Variants in SNAP47 observed in about 807,000 individuals in gnomAD.
The protein encoded by SNAP47 is synaptosomal-associated protein 47.
A neutral mutation model predicts 31.4 loss-of-function variants in SNAP47; 20 were observed. That is an observed-to-expected ratio of 0.64 (90% confidence interval 0.45 to 0.93). The LOEUF is 0.93. SNAP47 is among the 40% of genes least tolerant of loss of function. The pLI is 0.00. For missense variants in SNAP47, 492 were observed against 528.5 expected, an observed-to-expected ratio of 0.93 and a Z score of 0.68; for synonymous variants, 194 against 213.4, an observed-to-expected ratio of 0.91 and a Z score of 0.79.
At chr1:227,742,720 C>G (rs971512642) in intron 1 of SNAP47, among the ~76,000 whole-genome samples, 1 of 152,212 alleles carries the variant, frequency 6.6e-6, no homozygotes, top group African/African-American at 2.4e-5. Context: ...TGGGCAGCCT[C>G]TTCAGCCAGG....
At chr1:227,735,379 C>T (rs751799632), upstream of SNAP47, 107 of 1,588,974 alleles carry the variant, frequency 6.7e-5, no homozygotes, top group East Asian at 4.8e-4. Flanking sequence ...GTTTCTGCCC[C>T]GCCAGCGCCT....
chr1:227,769,496 G>A (rs200273064), intron 4 of SNAP47, among the ~76,000 whole-genome samples: 2 of 151,996 alleles, frequency 1.3e-5, no homozygotes, highest in Non-Finnish European at 2.9e-5. Context: ...TACATTTCTG[G>A]GGAAAATAAA....
upstream of SNAP47, chr1:227,734,433 C>T (rs1052727746): frequency 2.4e-6 from 1 of 408,600 alleles, no homozygotes; most frequent in Non-Finnish European, 4.3e-6. Context: ...CTGAGGAGAT[C>T]TCTCTCAAAA....
intron 4 of SNAP47, among the ~76,000 whole-genome samples, chr1:227,773,660 A>G (rs1048764882): frequency 6.6e-6 from 1 of 152,184 alleles, no homozygotes; most frequent in Non-Finnish European, 1.5e-5. Flanking sequence ...TATGCTGCAC[A>G]TTTACGGCAC....
At chr1:227,733,272 G>GC, upstream of SNAP47, 1 of 964,896 alleles carries the variant, frequency 1.0e-6, no homozygotes, top group African/African-American at 1.6e-5. Flanking sequence ...CTAGGCCTCA[G>GC]CGACACCACC....
intron 4 of SNAP47, among the ~76,000 whole-genome samples, chr1:227,771,084 G>T (rs1663772266): frequency 6.6e-6 from 1 of 152,318 alleles, no homozygotes; most frequent in Non-Finnish European, 1.5e-5. Flanking sequence ...AGCCAGGCAG[G>T]AGTGGGCCTT....
At chr1:227,744,748 C>G (rs1232810362) in intron 1 of SNAP47, among the ~76,000 whole-genome samples, 2 of 152,214 alleles carry the variant, frequency 1.3e-5, no homozygotes, top group African/African-American at 4.8e-5. Context: ...AGGCCCTAGG[C>G]GCTCCTGCCT....
At chr1:227,733,596 C>A (rs1243299307), upstream of SNAP47, 1 of 1,607,820 alleles carries the variant, frequency 6.2e-7, no homozygotes, top group Admixed American at 1.7e-5. Flanking sequence ...TCTTCCTGCC[C>A]TGGGGGGAAG....
intron 4 of SNAP47, among the ~76,000 whole-genome samples, chr1:227,779,646 C>G (rs1391946702): frequency 6.6e-6 from 1 of 152,212 alleles, no homozygotes; most frequent in Non-Finnish European, 1.5e-5. Flanking sequence ...GTGTATTCTT[C>G]TCCATTGTCA....
chr1:227,735,357 G>T, upstream of SNAP47: 1 of 1,593,122 alleles, frequency 6.3e-7, no homozygotes, highest in Admixed American at 1.7e-5. Context: ...ACCAGAAGAC[G>T]CAGGGCGCCG....
In SNAP47 at chr1:227,742,077, TGTG is replaced by T. The variant is rs1205769686; in HGVS notation, c.-45-5614_-45-5612del. Reference sequence around the variant, plus strand: ...TAAGTTTTAGGGTACGTGTGCACAATGTGCAGGTTAGTTACATATGTATACATG... The same window carrying T: ...TAAGTTTTAGGGTACGTGTGCACAATCAGGTTAGTTACATATGTATACATG... On this transcript the variant is annotated intron_variant, in intron 1 of 4. Coordinates refer to ENST00000617596, the MANE Select transcript of SNAP47 (RefSeq NM_053052.4). Among the ~76,000 whole-genome samples the T allele has an allele frequency of 6.6e-5, 10 of 152,108 alleles. No individual in the cohort carries two copies. In the South Asian group the frequency reaches 1.9e-3, roughly 28 times the overall value.
Position 227,759,028 on chromosome 1 carries a change from G to C in SNAP47, c.531G>C (p.Trp177Cys), listed in dbSNP as rs1196201589. ...CAGAACTGGAATCTCCTGCTTGGTG[G>C]CCCTTTAGCTCCAAGCTTTGGAAGA... is the stretch of plus-strand genomic sequence containing the variant. ...LLTELESPAWWPFSSKLWKTP... is the reference protein window; with the variant it reads ...LLTELESPAWCPFSSKLWKTP... Residue 177 changes from tryptophan (W) to cysteine (C), a missense_variant, in exon 3 of 5, where the codon TGG becomes TGC. Transcript: ENST00000617596. The C allele has an allele frequency of 6.2e-7, 1 of 1,606,498 alleles. No individual in the cohort carries two copies.
At chr1:227,745,896 GGCCAAAGCT>G (rs1243938029) in intron 1 of SNAP47, 1 of 152,244 alleles carries the variant, frequency 6.6e-6, no homozygotes, top group Non-Finnish European at 1.5e-5. Flanking sequence ...AAACAGTCTG[GGCCAAAGCT>G]GCCACGGACA....
At chr1:227,775,715 T>G in intron 4 of SNAP47, 2 of 1,281,930 alleles carry the variant, frequency 1.6e-6, no homozygotes, top group Non-Finnish European at 2.1e-6. Flanking sequence ...GCTATTTTTC[T>G]ATATTTATTT....
At chr1:227,771,086 G>A (rs1479064716) in intron 4 of SNAP47, among the ~76,000 whole-genome samples, 1 of 152,236 alleles carries the variant, frequency 6.6e-6, no homozygotes, top group African/African-American at 2.4e-5. Flanking sequence ...CCAGGCAGGA[G>A]TGGGCCTTGC....
chr1:227,772,655 C>G (rs1558214885), intron 4 of SNAP47, among the ~76,000 whole-genome samples: 1 of 152,190 alleles, frequency 6.6e-6, no homozygotes, highest in East Asian at 1.9e-4. Context: ...GATCATAAAG[C>G]TTTACCCCCA....
At chr1:227,777,191 C>T (rs1416989440) in intron 4 of SNAP47, 1 of 681,112 alleles carries the variant, frequency 1.5e-6, no homozygotes, top group East Asian at 1.3e-4. Context: ...AATAATTGTA[C>T]ATACTCATGG....
At chr1:227,758,220 G>A (rs971290707) in intron 2 of SNAP47, among the ~76,000 whole-genome samples, 1 of 152,098 alleles carries the variant, frequency 6.6e-6, no homozygotes, top group African/African-American at 2.4e-5. Flanking sequence ...CAGTGTAGAC[G>A]CATGGCTGCA....
At chr1:227,732,359 C>T (rs1300979884), upstream of SNAP47, 7 of 1,602,668 alleles carry the variant, frequency 4.4e-6, no homozygotes, top group African/African-American at 1.3e-5. Flanking sequence ...GGCTGCCTCT[C>T]TTCCACCCGT....
Sources: gnomAD v4.1 joint callset for allele counts (sites outside exome capture counted in the v4.1 genomes callset) on GRCh38, gnomAD v4.1.1 for gene constraint, MANE v1.5 for transcripts, NCBI Gene and HGNC (gene_info 2026-07-23, HGNC 2026-07-21) for gene names.